The following EP400 variants were observed in gnomAD, a reference collection of about 807,000 sequenced individuals.
EP400 encodes E1A binding protein p400.
Under a neutral mutation model 354.1 loss-of-function variants are expected in EP400, and 105 were observed. The ratio of observed to expected loss-of-function variants is 0.30; its 90% CI spans 0.25 to 0.35. The LOEUF (loss-of-function observed/expected upper bound fraction) is 0.35, where lower values mean the gene tolerates loss of function less well. Ranked by LOEUF, EP400 falls within the 10% of genes least tolerant of loss-of-function variation. The pLI is 1.00. For synonymous variants in EP400, 1,646 were observed against 1,716.9 expected (o/e 0.96, Z 1.02); for missense variants, 3,280 against 4,121.0 (o/e 0.80, Z 5.59).
intron 39 of EP400, among the ~76,000 whole-genome samples, chr12:132,048,027 C>T (rs1384298487): frequency 6.6e-6 from 1 of 152,226 alleles, no homozygotes; most frequent in African/African-American, 2.4e-5. Context: ...CACCGGCAGT[C>T]AGAGTTTAAG....
rs369396888 is a variant in EP400, at chr12:131,994,941, A to C, written c.2812A>C (p.Asn938His). The part of the protein sequence containing the change: ...GVVDHQTELS[N>H]LAKEAELPLL... ...TGTGGACCACCAAACAGAACTTTCT[A>C]ATTTAGCCAAGGAAGGTAGGCTGTT... Residue 938 changes from asparagine (N) to histidine (H), a missense_variant, in exon 12 of 53, where the codon AAT becomes CAT. Asn to His is a moderately conservative substitution (Grantham distance 68, BLOSUM62 1). Transcript: ENST00000389561. The surrounding 1 kb of genome is among the most constrained non-coding windows in gnomAD (Gnocchi z 4.6). 29 of 1,613,942 alleles carry C rather than the reference A, an allele frequency of 1.8e-5. No individual in the cohort carries two copies. Among genetic ancestry groups the C allele is most frequent in the Non-Finnish European group, 2.2e-5 (26 of 1,179,960 alleles).
Position 132,025,495 on chromosome 12 carries a change from C to A in EP400, c.4856-151C>A. ...ACTGTCGGTGATGGGTTGCCACTTT[C>A]CTCACAGTAACTGAACTTTGCATTG... On this transcript the variant is annotated intron_variant, in intron 24 of 52. Coordinates refer to ENST00000389561, the MANE Select transcript of EP400 (RefSeq NM_015409.5). This position sits in a 1 kb window ranked among gnomAD's most constrained non-coding sequence, Gnocchi z 4.1. The A allele has an allele frequency of 5.5e-6, 5 of 917,094 alleles. No individual in the cohort carries two copies. Among genetic ancestry groups the A allele is most frequent in the Non-Finnish European group, 6.3e-6 (4 of 639,662 alleles). 56.8% of individuals were successfully genotyped at this position (917,094 alleles called of 1,614,324 possible).
At chr12:132,031,256 G>T (rs138811928) in intron 29 of EP400, 8 of 518,910 alleles carry the variant, frequency 1.5e-5, no homozygotes, top group Non-Finnish European at 3.1e-5. Flanking sequence ...ACTTTTTGTT[G>T]CCTGTAAAGT....
rs1895076042 is a variant in EP400, at chr12:132,045,777, T to C, written c.7077T>C (p.Pro2359=). The C allele has an allele frequency of 6.2e-7, 1 of 1,614,256 alleles. No individual in the cohort carries two copies. Among genetic ancestry groups the C allele is most frequent in the African/African-American group, 1.3e-5 (1 of 75,068 alleles). Reference sequence around the variant, plus strand: ...CTTTGAACCTCACAATCGTGTCACCTGCTCACACACCTAATTGGGATCTTG... The same window carrying C: ...CTTTGAACCTCACAATCGTGTCACCCGCTCACACACCTAATTGGGATCTTG... ...ELPLNLTIVS[P]AHTPNWDLVS... Residue 2359 remains proline, a synonymous_variant, in exon 39 of 53, where the codon CCT becomes CCC. Transcript: ENST00000389561.
At position 132,027,663 on chromosome 12, in the gene EP400, A is replaced by G. The variant is rs1894352680; in HGVS notation, c.5109+132A>G. 2.6e-6 allele frequency: 2 copies of G among 756,496 alleles called. No homozygotes were observed. Among genetic ancestry groups the G allele is most frequent in the Non-Finnish European group, 4.2e-6 (2 of 478,804 alleles). 46.9% of individuals were successfully genotyped at this position (756,496 alleles called of 1,614,324 possible). A position where few individuals can be genotyped will look rare whatever the true frequency, so the allele number is the denominator to read the frequency against. On this transcript the variant is annotated intron_variant, in intron 26 of 52. Coordinates refer to ENST00000389561, the MANE Select transcript of EP400 (RefSeq NM_015409.5). The surrounding 1 kb of genome is among the most constrained non-coding windows in gnomAD (Gnocchi z 4.9). ...GATGTTACTGAATTCTTATTTTAAA[A>G]CACACATTTTCTAATAAAATAAATG...
At chr12:132,074,742 T>C (rs1273957145) in intron 51 of EP400, among the ~76,000 whole-genome samples, 1 of 152,242 alleles carries the variant, frequency 6.6e-6, no homozygotes, top group African/African-American at 2.4e-5. Context: ...CTTGGTTAAG[T>C]CAAATCTGCT....
intron 24 of EP400, among the ~76,000 whole-genome samples, chr12:132,024,376 G>GT (rs1364880945): frequency 6.6e-6 from 1 of 152,166 alleles, no homozygotes; most frequent in Admixed American, 6.5e-5. Flanking sequence ...CCATCTCTAA[G>GT]TAATAGATAA....
chr12:132,057,832 C>T (rs781050005), intron 45 of EP400, among the ~76,000 whole-genome samples: 8 of 152,092 alleles, frequency 5.3e-5, no homozygotes, highest in African/African-American at 1.4e-4. Context: ...CTGCATTTAG[C>T]GTTTTATTTT....
chr12:132,062,759 T>C (rs756529532), intron 47 of EP400, 58 bp downstream of exon 47: 4 of 1,598,452 alleles, frequency 2.5e-6, no homozygotes, highest in Non-Finnish European at 3.4e-6. Flanking sequence ...CAGCCCAGCG[T>C]CTGTGAGACG....
chr12:132,044,343 C>T (rs746236397), intron 35 of EP400, 32 bp downstream of exon 35: 10 of 1,599,660 alleles, frequency 6.3e-6, no homozygotes, highest in South Asian at 4.4e-5. Flanking sequence ...TGCCCTCTTG[C>T]CCCCCTGCTG....
chr12:132,023,861 T>C lies in EP400; in HGVS notation c.4775T>C (p.Leu1592Pro). The C allele has an allele frequency of 6.2e-7, 1 of 1,613,598 alleles. No homozygotes were observed. Among genetic ancestry groups the C allele is most frequent in the African/African-American group, 1.3e-5 (1 of 74,948 alleles). The change falls in exon 24 of 53, where the codon CTG becomes CCG. Residue 1592 changes from leucine (L) to proline (P), a missense_variant. Leu to Pro is a moderately conservative substitution (Grantham distance 98, BLOSUM62 -3). Coordinates refer to ENST00000389561, the MANE Select transcript of EP400 (RefSeq NM_015409.5). ...GCTCAGCCAGAGACGCCGGTGACAC[T>C]GCAGTTCCAGGGCAGCAAGTTCACC... Reference protein sequence around the residue: ...RVAQPETPVTLQFQGSKFTLS... With the variant: ...RVAQPETPVTPQFQGSKFTLS...
rs191542129 is a variant in EP400, at chr12:131,994,845, C to T, written c.2738-22C>T. ...CTCAAGTGGTGTTGCCTCTCAGTGA[C>T]ACTTGCTGATAACCATTTTAGTGGA... On this transcript the variant is annotated intron_variant, in intron 11 of 52. Coordinates refer to ENST00000389561, the MANE Select transcript of EP400 (RefSeq NM_015409.5). This position sits in a 1 kb window ranked among gnomAD's most constrained non-coding sequence, Gnocchi z 4.6. 6.8e-6 allele frequency: 11 copies of T among 1,610,396 alleles called. No individual in the cohort carries two copies. The Admixed American group carries it at 1.5e-4, about 22-fold the overall frequency.
At chr12:132,045,013 T>C (rs925773608) in intron 37 of EP400, 60 bp downstream of exon 37, 3 of 1,593,584 alleles carry the variant, frequency 1.9e-6, no homozygotes, top group Non-Finnish European at 2.6e-6. Context: ...AATCCCTGCA[T>C]GTCAGCCACT....
chr12:132,055,475 A>G (rs112850086), intron 45 of EP400, among the ~76,000 whole-genome samples: 39 of 62,196 alleles, frequency 6.3e-4, no homozygotes, highest in African/African-American at 9.1e-4. Context: ...TGTGTGTGTG[A>G]GGTGTAGGGG....
intron 4 of EP400, 88 bp downstream of exon 4, chr12:131,981,684 C>A: frequency 8.6e-7 from 1 of 1,168,184 alleles, no homozygotes; most frequent in Non-Finnish European, 1.2e-6. Context: ...CAGACTTGGG[C>A]AGTGGAGGTA....
In EP400 at chr12:132,053,221, A is replaced by G; in HGVS notation, c.7470A>G (p.Lys2490=). 3 of 1,613,692 alleles carry G rather than the reference A, an allele frequency of 1.9e-6. No individual in the cohort carries two copies. Among genetic ancestry groups the G allele is most frequent in the Non-Finnish European group, 2.5e-6 (3 of 1,179,958 alleles). Residue 2490 remains lysine (K), a synonymous_variant, in exon 42 of 53, where the codon AAA becomes AAG. Coordinates refer to ENST00000389561, the MANE Select transcript of EP400 (RefSeq NM_015409.5). ...GTGCAGAGCGAATCGCAAAAGAGAA[A>G]AAGGTCAGCGCCCTGGGCCCTTCTG... ...SLRAERIAKE[K]KALADQQKAQ... is the part of the protein sequence containing the mutation.
intron 2 of EP400, among the ~76,000 whole-genome samples, chr12:131,963,993 CAG>C (rs1425115840): frequency 1.3e-5 from 2 of 151,604 alleles, no homozygotes; most frequent in Non-Finnish European, 2.9e-5. Flanking sequence ...CAGTGCAAAA[CAG>C]AATAAGAAAA....
chr12:131,991,269 A>G, intron 9 of EP400, 138 bp from the exon 10 acceptor site: 1 of 773,044 alleles, frequency 1.3e-6, no homozygotes, highest in East Asian at 2.5e-5. Context: ...CTGCGTGATG[A>G]TGATGAGGAG....
chr12:132,076,257 A>T, intron 51 of EP400: 2 of 544,720 alleles, frequency 3.7e-6, no homozygotes, highest in Non-Finnish European at 6.8e-6. Flanking sequence ...GAAAAGAAAA[A>T]ATGTGTCTGA....
Sources: gnomAD v4.1 joint callset for allele counts (sites outside exome capture counted in the v4.1 genomes callset) on GRCh38, gnomAD v4.1.1 for gene constraint, Gnocchi (gnomAD v3.1) non-coding constraint, MANE v1.5 for transcripts, NCBI Gene and HGNC (gene_info 2026-07-23, HGNC 2026-07-21) for gene names.